TSPAN15: variants seen among roughly 807,000 people sequenced by gnomAD.
TSPAN15 encodes tetraspanin-15.
In TSPAN15, 20 loss-of-function variants were observed where a neutral mutation model predicts 34.5. The ratio of observed to expected loss-of-function variants is 0.58; its 90% CI spans 0.41 to 0.84. The LOEUF is 0.84. TSPAN15 is among the 40% of genes least tolerant of loss of function. The pLI is 0.00. For missense variants in TSPAN15, 313 were observed against 386.1 expected, an observed-to-expected ratio of 0.81 and a Z score of 1.59; for synonymous variants, 155 against 153.9, an observed-to-expected ratio of 1.01 and a Z score of -0.05.
intron 1 of TSPAN15, among the ~76,000 whole-genome samples, chr10:69,457,560 G>A (rs770247244): frequency 1.5e-4 from 23 of 152,302 alleles, no homozygotes; most frequent in Admixed American, 6.5e-4. Context: ...GAGGAGCTGA[G>A]GGTGGGTAGG....
chr10:69,484,447 C>T (rs1841806448), intron 2 of TSPAN15, among the ~76,000 whole-genome samples: 1 of 152,208 alleles, frequency 6.6e-6, no homozygotes, highest in Admixed American at 6.5e-5. Flanking sequence ...GGGAGTCAAT[C>T]CTACCTGTAT....
chr10:69,502,654 C>G (rs1360297175), intron 5 of TSPAN15, among the ~76,000 whole-genome samples: 1 of 152,110 alleles, frequency 6.6e-6, no homozygotes, highest in African/African-American at 2.4e-5. Flanking sequence ...GCAGGCTTTA[C>G]TTTTGGAAAG....
intron 5 of TSPAN15, among the ~76,000 whole-genome samples, chr10:69,501,677 T>C (rs1315060923): frequency 1.1e-4 from 16 of 152,192 alleles, no homozygotes; most frequent in Admixed American, 1.0e-3. Context: ...GAAAAGGAGC[T>C]GAGCCTCGTG....
chr10:69,487,806 G>A (rs573258211), intron 3 of TSPAN15, among the ~76,000 whole-genome samples: 3 of 152,308 alleles, frequency 2.0e-5, no homozygotes, highest in East Asian at 3.9e-4. Context: ...TTGGGTTTCC[G>A]TGGGCCTGAG....
intron 1 of TSPAN15, among the ~76,000 whole-genome samples, chr10:69,459,121 A>C (rs1209061983): frequency 8.0e-5 from 6 of 74,650 alleles, no homozygotes; most frequent in African/African-American, 1.9e-4. Flanking sequence ...AAAAAAAAAA[A>C]AAAACAACAA....
rs1343393332 is a variant in TSPAN15 at position 69,485,211 on chromosome 10, A to T, written c.353A>T (p.Asn118Ile). 6.2e-7 allele frequency: 1 copy of T among 1,613,804 alleles called. No individual in the cohort carries two copies. The highest frequency in any genetic ancestry group is 8.5e-7 in the Non-Finnish European group (1 of 1,179,934). Residue 118 changes from asparagine to isoleucine, a missense_variant, in exon 3 of 8, where the codon AAC becomes ATC. By Grantham distance (149) the Asn-to-Ile change is moderately radical (BLOSUM62 -3). Coordinates refer to ENST00000373290, the MANE Select transcript of TSPAN15 (RefSeq NM_012339.5). ...IGGVVALTFRNQTIDFLNDNI... is the reference protein window; with the variant it reads ...IGGVVALTFRIQTIDFLNDNI... ...GGCGTGGTGGCCTTGACCTTCCGGA[A>T]CCAGGTGGGCCTGTGGATTTGTGTA...
the TSPAN15 span, among the ~76,000 whole-genome samples, chr10:69,541,770 T>G: frequency 6.6e-6 from 1 of 152,242 alleles, no homozygotes; most frequent in Non-Finnish European, 1.5e-5. Flanking sequence ...GGCTTGCATC[T>G]TCTGAAGCAA....
chr10:69,530,779 ACTCTCTCTCTCTCTCT>A, the TSPAN15 span, among the ~76,000 whole-genome samples: 25 of 50,022 alleles, frequency 5.0e-4, no homozygotes, highest in Admixed American at 1.4e-3. Context: ...ACAGAGTGAG[ACTCTCTCTCTCTCTCT>A]CTCTCTCTCT....
chr10:69,548,606 G>A, the TSPAN15 span, among the ~76,000 whole-genome samples: 1 of 152,196 alleles, frequency 6.6e-6, no homozygotes, highest in African/African-American at 2.4e-5. Flanking sequence ...GAGCCTGGTG[G>A]TCTTGCTGAG....
At chr10:69,496,960 ACTTG>A (rs1324410386) in intron 4 of TSPAN15, among the ~76,000 whole-genome samples, 1 of 152,192 alleles carries the variant, frequency 6.6e-6, no homozygotes, top group Non-Finnish European at 1.5e-5. Context: ...CTGAATGGGC[ACTTG>A]CTTGGTGCCA....
intron 1 of TSPAN15, among the ~76,000 whole-genome samples, chr10:69,479,474 C>T (rs147900462): frequency 1.4e-3 from 207 of 152,326 alleles, no homozygotes; most frequent in African/African-American, 4.9e-3. Context: ...TGTGGGCTGC[C>T]AGCAGCACGC....
intron 1 of TSPAN15, among the ~76,000 whole-genome samples, chr10:69,473,036 A>G (rs551883059): frequency 1.6e-4 from 25 of 152,356 alleles, no homozygotes; most frequent in African/African-American, 5.5e-4. Context: ...CAAAGGGCAT[A>G]GTTAATACTC....
At chr10:69,507,772 G>A, downstream of TSPAN15, 1 of 783,448 alleles carries the variant, frequency 1.3e-6, no homozygotes, top group East Asian at 6.4e-5. Flanking sequence ...GGGTGCATGG[G>A]GTGAAGATTT....
At chr10:69,453,153 G>A (rs187272832) in intron 1 of TSPAN15, among the ~76,000 whole-genome samples, 191 of 151,856 alleles carry the variant, frequency 1.3e-3, no homozygotes, top group Non-Finnish European at 2.4e-3. Context: ...TTTGGGGGGC[G>A]GAGGATGGAG....
At chr10:69,483,162 G>A (rs1296287276) in intron 1 of TSPAN15, among the ~76,000 whole-genome samples, 2 of 152,058 alleles carry the variant, frequency 1.3e-5, no homozygotes, top group Non-Finnish European at 2.9e-5. Flanking sequence ...CTGCTTTTTT[G>A]TATTTTTAGT....
chr10:69,469,020 A>G (rs1841449302), intron 1 of TSPAN15, among the ~76,000 whole-genome samples: 2 of 80,150 alleles, frequency 2.5e-5, no homozygotes. Flanking sequence ...GATGGGGCGA[A>G]TCACCAGAAA....
At chr10:69,480,849 C>T (rs1454874305) in intron 1 of TSPAN15, among the ~76,000 whole-genome samples, 2 of 152,162 alleles carry the variant, frequency 1.3e-5, no homozygotes, top group Admixed American at 1.3e-4. Context: ...AGACATGTGC[C>T]ACCAAGCCCG....
chr10:69,471,702 C>T (rs1302135388), intron 1 of TSPAN15, among the ~76,000 whole-genome samples: 2 of 151,760 alleles, frequency 1.3e-5, no homozygotes, highest in Non-Finnish European at 2.9e-5. Context: ...GGCCATCCTC[C>T]CACCTCAGCC....
intron 1 of TSPAN15, among the ~76,000 whole-genome samples, chr10:69,474,890 C>T (rs956934268): frequency 3.3e-5 from 5 of 152,110 alleles, no homozygotes; most frequent in Admixed American, 6.5e-5. Flanking sequence ...AGGGTGCATC[C>T]GGGAGCACTG....
Sources: allele counts gnomAD v4.1 joint callset (sites outside exome capture counted in the v4.1 genomes callset), GRCh38; gene constraint gnomAD v4.1.1; transcripts MANE v1.5; gene names NCBI Gene and HGNC (gene_info 2026-07-23, HGNC 2026-07-21).